Variants in THSD4 observed in about 807,000 individuals in gnomAD.
The protein encoded by THSD4 is thrombospondin type 1 domain containing 4, also known as thrombospondin type-1 domain-containing protein 4.
A neutral mutation model predicts 119.0 loss-of-function variants in THSD4; 69 were observed. That is an observed-to-expected ratio of 0.58 (90% CI 0.48 to 0.71). The LOEUF is 0.71. Among genes scored for constraint, THSD4 ranks in the 30% least tolerant of loss-of-function variants. The pLI is 0.00. For missense variants in THSD4, 1,393 were observed against 1,391.1 expected (o/e 1.00, Z -0.02); for synonymous variants, 524 against 540.4 (o/e 0.97, Z 0.42).
At chr15:71,653,621 G>A (rs2051134881) in intron 7 of THSD4, among the ~76,000 whole-genome samples, 1 of 152,192 alleles carries the variant, frequency 6.6e-6, no homozygotes, top group Non-Finnish European at 1.5e-5. Flanking sequence ...CCCTCACCTT[G>A]AGGAAGAAGA....
chr15:71,332,919 C>CTTTTTTT (rs1596343303), intron 6 of THSD4, among the ~76,000 whole-genome samples: 4 of 10,068 alleles, frequency 4.0e-4, no homozygotes, highest in East Asian at 8.9e-3. Flanking sequence ...AGTTCATCAG[C>CTTTTTTT]TATTGTTAGT....
intron 7 of THSD4, among the ~76,000 whole-genome samples, chr15:71,466,408 A>G (rs979464003): frequency 6.6e-6 from 1 of 151,678 alleles, no homozygotes; most frequent in African/African-American, 2.4e-5. Context: ...AGGGTCAGAC[A>G]TGGTTATGCT....
At chr15:71,400,354 A>G (rs1277844687) in intron 6 of THSD4, among the ~76,000 whole-genome samples, 1 of 152,170 alleles carries the variant, frequency 6.6e-6, no homozygotes, top group Admixed American at 6.5e-5. Flanking sequence ...TTTTCAAAAC[A>G]GTTTTCTAAT....
intron 6 of THSD4, among the ~76,000 whole-genome samples, chr15:71,356,454 T>G (rs1247032397): frequency 1.3e-5 from 2 of 152,220 alleles, no homozygotes; most frequent in Non-Finnish European, 2.9e-5. Flanking sequence ...CTTTGAGGAC[T>G]GGGACCTACT....
chr15:71,141,434 T>C lies in THSD4; in HGVS notation c.-79-15T>C. On this transcript the variant is annotated splice_polypyrimidine_tract_variant and intron_variant, in intron 1 of 17. Coordinates refer to ENST00000261862, the MANE Select transcript of THSD4 (RefSeq NM_024817.3). The stretch of plus-strand genomic sequence containing the variant: ...AAGTAAATGTTGCTAAAAATAACAT[T>C]GTTCATTTCCATAGGACTTGAACGC... The C allele has an allele frequency of 7.7e-7, 1 of 1,291,420 alleles. No individual in the cohort carries two copies. The highest frequency in any genetic ancestry group is 1.1e-6 in the Non-Finnish European group (1 of 939,906). 80.0% of individuals were successfully genotyped at this position (1,291,420 alleles called of 1,614,324 possible). A position where few individuals can be genotyped will look rare whatever the true frequency, so the allele number is the denominator to read the frequency against.
intron 6 of THSD4, among the ~76,000 whole-genome samples, chr15:71,319,870 G>A (rs2045243819): frequency 6.6e-6 from 1 of 152,154 alleles, no homozygotes; most frequent in African/African-American, 2.4e-5. Flanking sequence ...TTACAAACAC[G>A]TGATTAAGCA....
At chr15:71,194,084 G>C (rs1032197721) in intron 3 of THSD4, among the ~76,000 whole-genome samples, 2 of 152,204 alleles carry the variant, frequency 1.3e-5, no homozygotes, top group African/African-American at 2.4e-5. Context: ...TGCCATGTAA[G>C]ATGTGCCTTT....
Position 71,592,815 on chromosome 15 carries a change from G to A in THSD4, c.1153-67715G>A, listed in dbSNP as rs148981557. ...TTCAGTGCTGACTGAGAGGAGGGGTGAGGAGTAACATTTAGCAAGCAGCCA... is the reference window on the plus strand; with the variant it reads ...TTCAGTGCTGACTGAGAGGAGGGGTAAGGAGTAACATTTAGCAAGCAGCCA... On this transcript the variant is annotated intron_variant, in intron 7 of 17. Coordinates refer to ENST00000261862, the MANE Select transcript of THSD4 (RefSeq NM_024817.3). Among the ~76,000 whole-genome samples, 35 of 152,180 alleles carry A rather than the reference G, an allele frequency of 2.3e-4. No homozygotes were observed. The East Asian group carries it at 5.3e-3, about 23-fold the overall frequency.
intron 10 of THSD4, chr15:71,733,014 C>G (rs1402460598): frequency 6.6e-6 from 1 of 152,164 alleles, no homozygotes; most frequent in Non-Finnish European, 1.5e-5. Flanking sequence ...TATGTCATGT[C>G]CAGAAGCAAT....
chr15:71,414,777 C>T (rs776259395), intron 7 of THSD4, among the ~76,000 whole-genome samples: 1 of 152,134 alleles, frequency 6.6e-6, no homozygotes, highest in Admixed American at 6.5e-5. Flanking sequence ...ATAATAATTG[C>T]TAAAAGCCTG....
intron 7 of THSD4, among the ~76,000 whole-genome samples, chr15:71,635,450 A>G (rs914985611): frequency 2.4e-4 from 37 of 152,254 alleles, no homozygotes; most frequent in African/African-American, 8.7e-4. Context: ...TCATGTGAGA[A>G]GATGGCCTTG....
intron 7 of THSD4, among the ~76,000 whole-genome samples, chr15:71,510,938 A>C (rs1051198168): frequency 6.6e-6 from 1 of 151,836 alleles, no homozygotes. Flanking sequence ...TGGTCGAGTG[A>C]TGTTTTGTGT....
intron 1 of THSD4, among the ~76,000 whole-genome samples, chr15:71,099,365 G>C (rs560003279): frequency 5.9e-5 from 9 of 152,284 alleles, no homozygotes; most frequent in Non-Finnish European, 8.8e-5. Flanking sequence ...ACTGAGGGGA[G>C]AGCTTTGATG....
intron 1 of THSD4, among the ~76,000 whole-genome samples, chr15:71,140,252 G>A (rs1400650427): frequency 6.6e-6 from 1 of 152,202 alleles, no homozygotes; most frequent in African/African-American, 2.4e-5. Context: ...GCATGGTGCT[G>A]GCTGGCATCT....
Position 71,771,142 on chromosome 15 carries a change from T to G in THSD4, c.2848T>G (p.Cys950Gly). ...TGATGACATGACTCTAAGTAACCTC[T>G]GTGACCCTCAGTTGAAACCAGAAGA... ...LSDDMTLSNL[C>G]DPQLKPEERE... The change falls in exon 17 of 18, where the codon TGT becomes GGT. Residue 950 changes from cysteine to glycine, a missense_variant. Physicochemically the swap from Cys to Gly is radical, Grantham distance 159. Transcript: ENST00000261862. 6.2e-7 allele frequency: 1 copy of G among 1,614,216 alleles called. No homozygotes were observed. The highest frequency in any genetic ancestry group is 1.6e-4 in the Middle Eastern group (1 of 6,062).
intron 6 of THSD4, among the ~76,000 whole-genome samples, chr15:71,322,375 G>T (rs2045279950): frequency 6.6e-6 from 1 of 152,048 alleles, no homozygotes; most frequent in South Asian, 2.1e-4. Context: ...TTAGTCCAAG[G>T]AACAGATCAG....
intron 6 of THSD4, among the ~76,000 whole-genome samples, chr15:71,346,623 GC>G (rs141954761): frequency 1.3e-3 from 191 of 152,226 alleles, no homozygotes; most frequent in African/African-American, 4.2e-3. Context: ...TTTCCAAGGA[GC>G]CCTCGTCCAT....
intron 7 of THSD4, among the ~76,000 whole-genome samples, chr15:71,459,160 C>CTTTTTTTTTTTTTT (rs372209662): frequency 1.1e-3 from 143 of 128,796 alleles, no homozygotes; most frequent in Non-Finnish European, 1.3e-3. Flanking sequence ...TTCTTTTTTT[C>CTTTTTTTTTTTTTT]TTTTTTTTTT....
chr15:71,261,651 G>A (rs114913883), intron 6 of THSD4, among the ~76,000 whole-genome samples: 2,076 of 152,218 alleles, frequency 0.014, 41 homozygotes, highest in African/African-American at 0.047. Flanking sequence ...GACCCACATC[G>A]CATGAAGAGG....
Sources: gnomAD v4.1 joint callset for allele counts (sites outside exome capture counted in the v4.1 genomes callset) on GRCh38, gnomAD v4.1.1 for gene constraint, MANE v1.5 for transcripts, NCBI Gene and HGNC (gene_info 2026-07-23, HGNC 2026-07-21) for gene names.